Variants in TJP1 observed in about 807,000 individuals in gnomAD.
TJP1 encodes the protein tight junction protein 1.
Under a neutral mutation model 194.2 loss-of-function variants are expected in TJP1, and 43 were observed. The observed-to-expected ratio is 0.22, with a 90% CI of 0.17 to 0.29. The LOEUF (loss-of-function observed/expected upper bound fraction) is 0.29, where lower values mean the gene tolerates loss of function less well. Ranked by LOEUF, TJP1 falls within the 10% of genes least tolerant of loss-of-function variation. The pLI is 1.00. For synonymous variants in TJP1, 801 were observed against 779.0 expected, an observed-to-expected ratio of 1.03 and a Z score of -0.47; for missense variants, 1,971 against 2,185.7, an observed-to-expected ratio of 0.90 and a Z score of 1.96.
chr15:29,960,649 A>AAAG (rs2056121999), intron 1 of TJP1, among the ~76,000 whole-genome samples: 1 of 151,576 alleles, frequency 6.6e-6, no homozygotes. Flanking sequence ...AAAAAAAAAA[A>AAAG]AAGTAATAAT....
Position 29,734,336 on chromosome 15 carries a change from A to T in TJP1, c.1454T>A (p.Leu485His). 6.2e-7 allele frequency: 1 copy of T among 1,613,382 alleles called. No individual in the cohort carries two copies. Among genetic ancestry groups the T allele is most frequent in the South Asian group, 1.1e-5 (1 of 90,938 alleles). The change falls in exon 12 of 28, where the codon CTT becomes CAT. Residue 485 changes from leucine to histidine, a missense_variant. Leu to His is a moderately conservative substitution (Grantham distance 99). This residue lies in a region of TJP1 where 402 missense variants were observed against 484.2 expected (regional missense o/e 0.83). Coordinates refer to ENST00000614355, the MANE Select transcript of TJP1 (RefSeq NM_001330239.4). ...TCCTTTAGGGAGGTCAAGCAGGAAA[A>T]GGACGGCTTCTTCTCTTATGATATT... is the stretch of plus-strand genomic sequence containing the variant. ...FTNIIREEAV[L>H]FLLDLPKGEE... is the part of the protein sequence containing the mutation.
intron 8 of TJP1, chr15:29,759,653 C>G (rs59385872): frequency 6.6e-6 from 1 of 152,340 alleles, no homozygotes; most frequent in African/African-American, 2.4e-5. Flanking sequence ...CTGGTAACCA[C>G]CATTCTACTG....
intron 1 of TJP1, among the ~76,000 whole-genome samples, chr15:29,816,832 T>C (rs571912705): frequency 1.3e-5 from 2 of 152,170 alleles, no homozygotes; most frequent in Non-Finnish European, 2.9e-5. Context: ...AAGACTTCAA[T>C]GTAAAACCCA....
chr15:29,809,349 T>C (rs1415755210), intron 1 of TJP1, among the ~76,000 whole-genome samples: 1 of 152,184 alleles, frequency 6.6e-6, no homozygotes. Context: ...CAACCACCAT[T>C]GTAATCACCA....
chr15:29,818,975 G>A (rs892545484), intron 1 of TJP1, among the ~76,000 whole-genome samples: 1 of 149,470 alleles, frequency 6.7e-6, no homozygotes, highest in African/African-American at 2.5e-5. Flanking sequence ...GCGCCACCAT[G>A]CCCGGCTAAT....
intron 22 of TJP1, 119 bp from the exon 23 acceptor site, chr15:29,716,957 T>C: frequency 2.4e-6 from 2 of 841,846 alleles, no homozygotes; most frequent in East Asian, 2.7e-5. Flanking sequence ...CTGTGATTAC[T>C]GAGGATCTGA....
intron 2 of TJP1, among the ~76,000 whole-genome samples, chr15:29,828,652 T>C (rs1174182355): frequency 1.3e-5 from 2 of 152,164 alleles, no homozygotes; most frequent in African/African-American, 4.8e-5. Flanking sequence ...ATCATTTGCC[T>C]ATTACATCAC....
At chr15:29,706,168 C>A (rs1262818323) in intron 25 of TJP1, among the ~76,000 whole-genome samples, 1 of 152,082 alleles carries the variant, frequency 6.6e-6, no homozygotes, top group Non-Finnish European at 1.5e-5. Flanking sequence ...CTGATCTCGT[C>A]GTGATCCACC....
chr15:29,800,570 T>C, intron 2 of TJP1, 76 bp downstream of exon 2: 5 of 1,456,806 alleles, frequency 3.4e-6, no homozygotes, highest in Non-Finnish European at 3.8e-6. Flanking sequence ...TCCTGACATC[T>C]GGCTTTCCTC....
At chr15:29,868,435 G>A (rs2052382051) in intron 2 of TJP1, among the ~76,000 whole-genome samples, 2 of 152,166 alleles carry the variant, frequency 1.3e-5, no homozygotes. Flanking sequence ...ACTGGTCCAC[G>A]CATGCCTGTG....
rs2041496974 is a variant in TJP1, at chr15:29,700,824, C to T, written c.*771G>A. 5.8e-6 allele frequency: 1 copy of T among 171,168 alleles called. No homozygotes were observed. Among genetic ancestry groups the T allele is most frequent in the Admixed American group, 6.3e-5 (1 of 15,762 alleles). The allele number at this position is 171,168 out of a possible 1,614,324, so 10.6% of individuals were successfully genotyped here. The stretch of plus-strand genomic sequence containing the variant: ...CACATTTCTGAAACCACCAAATGCA[C>T]AACGTACTCAGTCTTTGTCATGATA... On this transcript the variant is annotated 3_prime_UTR_variant, in exon 28 of 28. Coordinates refer to ENST00000614355, the MANE Select transcript of TJP1 (RefSeq NM_001330239.4).
intron 2 of TJP1, among the ~76,000 whole-genome samples, chr15:29,843,563 T>C (rs1231575099): frequency 6.6e-6 from 1 of 152,228 alleles, no homozygotes; most frequent in East Asian, 1.9e-4. Context: ...AGTTATCTTC[T>C]AGACCAAATT....
chr15:29,878,735 T>C (rs1262884311), intron 2 of TJP1, among the ~76,000 whole-genome samples: 1 of 152,196 alleles, frequency 6.6e-6, no homozygotes, highest in Non-Finnish European at 1.5e-5. Context: ...TATATGTATC[T>C]GTTAGCCATT....
chr15:29,802,900 T>C (rs2048880397), intron 1 of TJP1, among the ~76,000 whole-genome samples: 1 of 152,178 alleles, frequency 6.6e-6, no homozygotes, highest in African/African-American at 2.4e-5. Context: ...GATAACATAC[T>C]CTATGGTATG....
chr15:29,734,657 T>A (rs2043905718), intron 11 of TJP1, among the ~76,000 whole-genome samples: 1 of 151,976 alleles, frequency 6.6e-6, no homozygotes, highest in African/African-American at 2.4e-5. Flanking sequence ...CTAATTTTTT[T>A]ATATTTTTAG....
At chr15:29,825,543 T>C (rs4779670), upstream of TJP1, among the ~76,000 whole-genome samples, 114,897 of 152,106 alleles carry the variant, frequency 0.76, 44,366 homozygotes, top group East Asian at 0.86. Flanking sequence ...AACTACTTAA[T>C]AAAACAGCCT....
At chr15:29,958,645 C>A (rs530222246) in intron 1 of TJP1, among the ~76,000 whole-genome samples, 1 of 151,922 alleles carries the variant, frequency 6.6e-6, no homozygotes, top group African/African-American at 2.4e-5. Flanking sequence ...TATATGTATC[C>A]ATCACACACG....
rs947902559 is a variant in TJP1, at chr15:29,700,612, C to T, written c.*983G>A. 1 of 370,006 alleles carries T rather than the reference C, an allele frequency of 2.7e-6. No individual in the cohort carries two copies. The highest frequency in any genetic ancestry group is 4.8e-6 in the Non-Finnish European group (1 of 209,574). 22.9% of individuals were successfully genotyped at this position (370,006 alleles called of 1,614,324 possible). On this transcript the variant is annotated 3_prime_UTR_variant, in exon 28 of 28. Transcript: ENST00000614355. ...GGTAAAGTTTATAAAAGTTAATTTA[C>T]AAACCAAGAACAAAAGTGGTATGCA...
At chr15:29,717,795 C>T (rs1005741731) in intron 22 of TJP1, among the ~76,000 whole-genome samples, 1 of 152,030 alleles carries the variant, frequency 6.6e-6, no homozygotes, top group Non-Finnish European at 1.5e-5. Context: ...AATATCTTTC[C>T]GAAAGTCTGC....
Sources: gnomAD v4.1 joint callset for allele counts (sites outside exome capture counted in the v4.1 genomes callset) on GRCh38, gnomAD v4.1.1 for gene constraint, gnomAD v4.1.1 regional missense constraint, MANE v1.5 for transcripts, NCBI Gene and HGNC (gene_info 2026-07-23, HGNC 2026-07-21) for gene names.